PUS10: variants seen among roughly 807,000 people sequenced by gnomAD.
PUS10 encodes the protein pseudouridine synthase 10, also known as tRNA pseudouridine synthase Pus10.
Under a neutral mutation model 75.0 loss-of-function variants are expected in PUS10, and 59 were observed. The ratio of observed to expected loss-of-function variants is 0.79; its 90% CI spans 0.64 to 0.98. The LOEUF (loss-of-function observed/expected upper bound fraction) is 0.98. PUS10 is among the 50% of genes least tolerant of loss of function. The pLI is 0.00. For synonymous variants in PUS10, 219 were observed against 211.6 expected (o/e 1.03, Z -0.30); for missense variants, 650 against 614.4 (o/e 1.06, Z -0.61).
intron 12 of PUS10, 145 bp from the exon 13 acceptor site, chr2:60,954,303 A>G (rs1328399479): frequency 1.4e-6 from 1 of 695,218 alleles, no homozygotes; most frequent in Non-Finnish European, 2.5e-6. Context: ...TGAGGGAGGG[A>G]AGAATGTGTG....
intron 17 of PUS10, among the ~76,000 whole-genome samples, chr2:60,943,020 G>A (rs1024795731): frequency 7.6e-6 from 1 of 131,648 alleles, no homozygotes; most frequent in East Asian, 2.1e-4. Flanking sequence ...GACAGAATGA[G>A]ACCCTATCTA....
chr2:60,973,983 A>G (rs1453865277), intron 4 of PUS10, among the ~76,000 whole-genome samples: 2 of 152,072 alleles, frequency 1.3e-5, no homozygotes, highest in Non-Finnish European at 1.5e-5. Flanking sequence ...GCCTGCAGAG[A>G]GGAGCTTTCC....
intron 17 of PUS10, chr2:60,944,349 A>AGTTGCCCAATG: frequency 2.7e-6 from 1 of 365,472 alleles, no homozygotes; most frequent in Non-Finnish European, 3.8e-6. Flanking sequence ...TTGGGCAACT[A>AGTTGCCCAATG]TGCCCACTTC....
At chr2:60,981,157 T>C (rs1677366810) in intron 4 of PUS10, among the ~76,000 whole-genome samples, 1 of 152,018 alleles carries the variant, frequency 6.6e-6, no homozygotes, top group Non-Finnish European at 1.5e-5. Flanking sequence ...CCTCGCAAAG[T>C]GCTGGGATTA....
chr2:60,962,072 A>G (rs377183527), intron 9 of PUS10, among the ~76,000 whole-genome samples: 1 of 152,232 alleles, frequency 6.6e-6, no homozygotes, highest in Non-Finnish European at 1.5e-5. Context: ...TTATTTTAGC[A>G]TATTTTAACA....
chr2:60,994,446 T>C (rs1036026768), intron 4 of PUS10, among the ~76,000 whole-genome samples: 1 of 152,108 alleles, frequency 6.6e-6, no homozygotes, highest in Non-Finnish European at 1.5e-5. Flanking sequence ...TCCTGAATTT[T>C]AAGATAGGTG....
intron 1 of PUS10, among the ~76,000 whole-genome samples, chr2:61,015,711 A>G (rs558908513): frequency 1.3e-5 from 2 of 152,090 alleles, no homozygotes; most frequent in Non-Finnish European, 2.9e-5. Context: ...TAAATAAATA[A>G]ATAAGATCTG....
At position 61,008,793 on chromosome 2, in the gene PUS10, G is replaced by C. The variant is rs771987824; in HGVS notation, c.349C>G (p.Gln117Glu). 3.8e-6 allele frequency: 6 copies of C among 1,586,250 alleles called. No homozygotes were observed. The highest frequency in any genetic ancestry group is 1.2e-5 in the South Asian group (1 of 86,120). Residue 117 changes from glutamine (Q) to glutamate (E), a missense_variant, in exon 3 of 18, where the codon CAA becomes GAA. Coordinates refer to ENST00000316752, the MANE Select transcript of PUS10 (RefSeq NM_144709.4). The stretch of plus-strand genomic sequence containing the variant: ...ATGAAATCTTTCTCACAGAATTCTT[G>C]AAGAATTCCTAGGCATACATTACAT... ...NVCNVCLGIL[Q>E]EFCEKDFIKK...
At chr2:60,964,846 G>C (rs950579189) in intron 8 of PUS10, among the ~76,000 whole-genome samples, 1 of 152,158 alleles carries the variant, frequency 6.6e-6, no homozygotes, top group Non-Finnish European at 1.5e-5. Flanking sequence ...ACACAAACAT[G>C]AGGATGTTTG....
chr2:61,012,386 CA>C (rs1485010096), intron 1 of PUS10, among the ~76,000 whole-genome samples: 1 of 152,028 alleles, frequency 6.6e-6, no homozygotes, highest in African/African-American at 2.4e-5. Flanking sequence ...GCCTCAGAAG[CA>C]AAAGTTTTTC....
chr2:60,942,695 A>C (rs1395918752), intron 17 of PUS10, among the ~76,000 whole-genome samples: 1 of 152,130 alleles, frequency 6.6e-6, no homozygotes, highest in Non-Finnish European at 1.5e-5. Context: ...AAGAGAATAC[A>C]TTTAAATTTT....
At chr2:60,944,426 G>C (rs1031427029) in intron 17 of PUS10, among the ~76,000 whole-genome samples, 2 of 152,158 alleles carry the variant, frequency 1.3e-5, no homozygotes, top group East Asian at 1.9e-4. Context: ...GGAGAGGAGC[G>C]GGGGAGGTAC....
chr2:60,960,322 T>C, intron 11 of PUS10, 70 bp downstream of exon 11: 2 of 1,244,496 alleles, frequency 1.6e-6, no homozygotes, highest in Non-Finnish European at 2.1e-6. Flanking sequence ...CTAGCCTAGT[T>C]GACAAAGCAA....
At chr2:61,009,974 A>G (rs189137474) in intron 2 of PUS10, 68 of 152,338 alleles carry the variant, frequency 4.5e-4, no homozygotes, top group Non-Finnish European at 1.0e-4. Context: ...AAGATCTATA[A>G]TATAGATATA....
intron 1 of PUS10, among the ~76,000 whole-genome samples, chr2:61,012,858 AAAAAAAAAAATATATATATATATAT>A (rs1679702754): frequency 9.5e-6 from 1 of 105,240 alleles, no homozygotes; most frequent in Non-Finnish European, 2.0e-5. Context: ...AAAAAAAAAA[AAAAAAAAAAATATATATATATATAT>A]ATATACACAC....
intron 4 of PUS10, 141 bp from the exon 5 acceptor site, chr2:60,971,698 T>C: frequency 1.3e-6 from 1 of 752,912 alleles, no homozygotes; most frequent in Admixed American, 2.2e-5. Flanking sequence ...TATTCAAAAA[T>C]TTACCAGTGA....
chr2:60,990,297 GA>G (rs1677996567), intron 4 of PUS10, among the ~76,000 whole-genome samples: 1 of 152,122 alleles, frequency 6.6e-6, no homozygotes, highest in African/African-American at 2.4e-5. Flanking sequence ...AGGACAACTA[GA>G]AAAGCTGGAC....
At chr2:60,943,032 C>G (rs1032013149) in intron 17 of PUS10, among the ~76,000 whole-genome samples, 3 of 126,286 alleles carry the variant, frequency 2.4e-5, no homozygotes, top group African/African-American at 9.1e-5. Context: ...CCCTATCTAT[C>G]TCAGAAAAAA....
chr2:60,995,895 T>C (rs1678430053), intron 4 of PUS10, among the ~76,000 whole-genome samples: 1 of 152,236 alleles, frequency 6.6e-6, no homozygotes, highest in African/African-American at 2.4e-5. Flanking sequence ...CCTACACTGC[T>C]AGATGAGCCA....
Sources: gnomAD v4.1 joint callset for allele counts (sites outside exome capture counted in the v4.1 genomes callset) on GRCh38, gnomAD v4.1.1 for gene constraint, MANE v1.5 for transcripts, NCBI Gene and HGNC (gene_info 2026-07-23, HGNC 2026-07-21) for gene names.